The following SH3RF3 variants were observed in gnomAD, a reference collection of about 807,000 sequenced individuals.
SH3RF3 encodes SH3 domain containing ring finger 3.
SH3RF3 carries 29 observed loss-of-function variants against 66.3 expected under a neutral mutation model. The ratio of observed to expected loss-of-function variants is 0.44; its 90% CI spans 0.33 to 0.60. The LOEUF (loss-of-function observed/expected upper bound fraction) is 0.60. SH3RF3 is among the 20% of genes least tolerant of loss of function. The pLI is 0.04. For synonymous variants in SH3RF3, 583 were observed against 532.0 expected, an observed-to-expected ratio of 1.10 and a Z score of -1.32; for missense variants, 1,194 against 1,190.9, an observed-to-expected ratio of 1.00 and a Z score of -0.04.
intron 1 of SH3RF3, among the ~76,000 whole-genome samples, chr2:109,235,978 T>G (rs1679638822): frequency 6.6e-6 from 1 of 152,016 alleles, no homozygotes; most frequent in African/African-American, 2.4e-5. Flanking sequence ...TCACTGCCTT[T>G]ACTTTAAGAG....
intron 8 of SH3RF3, among the ~76,000 whole-genome samples, chr2:109,472,499 G>A (rs1429423533): frequency 1.3e-5 from 2 of 152,304 alleles, no homozygotes; most frequent in African/African-American, 2.4e-5. Flanking sequence ...AAGGACTTGT[G>A]GAAAGAAGAG....
intron 1 of SH3RF3, among the ~76,000 whole-genome samples, chr2:109,327,029 C>A (rs966038977): frequency 6.6e-6 from 1 of 152,112 alleles, no homozygotes; most frequent in Non-Finnish European, 1.5e-5. Context: ...CTTTTTCCTT[C>A]GTATTTAATG....
At chr2:109,161,336 G>A (rs200295687) in intron 1 of SH3RF3, among the ~76,000 whole-genome samples, 67 of 152,116 alleles carry the variant, frequency 4.4e-4, no homozygotes, top group African/African-American at 1.5e-3. Flanking sequence ...TGGTATGCAC[G>A]GGTTTCTCTC....
intron 1 of SH3RF3, among the ~76,000 whole-genome samples, chr2:109,176,711 T>C (rs1276254111): frequency 6.6e-6 from 1 of 152,090 alleles, no homozygotes; most frequent in Non-Finnish European, 1.5e-5. Context: ...CACTCTAGCC[T>C]GGGTCACAGA....
intron 1 of SH3RF3, among the ~76,000 whole-genome samples, chr2:109,158,398 C>T (rs546339315): frequency 1.2e-4 from 18 of 152,306 alleles, no homozygotes; most frequent in African/African-American, 4.3e-4. Context: ...CAGGAGTCTG[C>T]ATGGCTTGCC....
At chr2:109,428,770 G>C (rs900262354) in intron 5 of SH3RF3, among the ~76,000 whole-genome samples, 1 of 152,192 alleles carries the variant, frequency 6.6e-6, no homozygotes, top group Non-Finnish European at 1.5e-5. Context: ...GGCTGGTCTC[G>C]AGTGTTATGG....
chr2:109,407,188 G>A (rs910305189), intron 4 of SH3RF3, among the ~76,000 whole-genome samples: 28 of 80,904 alleles, frequency 3.5e-4, no homozygotes, highest in Non-Finnish European at 1.0e-3. Flanking sequence ...ATTGGCCCTT[G>A]CCAGCTTCTC....
chr2:109,131,863 G>C (rs1477418660), intron 1 of SH3RF3, among the ~76,000 whole-genome samples: 1 of 152,184 alleles, frequency 6.6e-6, no homozygotes, highest in Non-Finnish European at 1.5e-5. Context: ...TTGTTTAATA[G>C]ACGAGCACTT....
chr2:109,394,464 A>C (rs1416984047), intron 3 of SH3RF3, among the ~76,000 whole-genome samples: 2 of 152,220 alleles, frequency 1.3e-5, no homozygotes, highest in Non-Finnish European at 2.9e-5. Flanking sequence ...GCCCCAGAAC[A>C]GGGGCAGGCT....
In SH3RF3 at chr2:109,129,786, G is replaced by T; in HGVS notation, c.246G>T (p.Leu82=). 1 of 1,539,310 alleles carries T rather than the reference G, an allele frequency of 6.5e-7. No individual in the cohort carries two copies. The change falls in exon 1 of 10, where the codon CTG becomes CTT. Residue 82 remains leucine (L), a synonymous_variant. Transcript: ENST00000309415. The part of the protein sequence containing the change: ...PCQHTFCRRC[L]ESIVCSRHEL... ...AACACACTTTCTGCCGCCGCTGCCT[G>T]GAGAGCATCGTGTGCTCGCGCCACG...
At chr2:109,483,903 G>A (rs72949169) in intron 8 of SH3RF3, among the ~76,000 whole-genome samples, 3,855 of 152,058 alleles carry the variant, frequency 0.025, 148 homozygotes, top group African/African-American at 0.088. Flanking sequence ...TGCAGCCAGG[G>A]CCACATCCTG....
At chr2:109,142,667 G>A (rs1676985341) in intron 1 of SH3RF3, among the ~76,000 whole-genome samples, 1 of 152,174 alleles carries the variant, frequency 6.6e-6, no homozygotes, top group South Asian at 2.1e-4. Flanking sequence ...CTCCATCCTG[G>A]AGTCACCTGT....
chr2:109,391,150 A>G (rs777107549), intron 3 of SH3RF3, among the ~76,000 whole-genome samples: 16 of 152,202 alleles, frequency 1.1e-4, no homozygotes, highest in Non-Finnish European at 2.2e-4. Flanking sequence ...AACTCTTCCA[A>G]AAGCCTTGCC....
chr2:109,220,587 AC>A (rs1248883639), intron 1 of SH3RF3, among the ~76,000 whole-genome samples: 1 of 152,206 alleles, frequency 6.6e-6, no homozygotes, highest in Non-Finnish European at 1.5e-5. Context: ...AATTTAAAAA[AC>A]CCAATTCAAA....
rs542432832 is a variant in SH3RF3, at chr2:109,317,581, G to A, written c.574-30093G>A. ...TCATCTCTTTCCCTGCTCCTTCTGA[G>A]GTACAGAACAGTCAAAGTCCACCTT... On this transcript the variant is annotated intron_variant, in intron 1 of 9. Coordinates refer to ENST00000309415, the MANE Select transcript of SH3RF3 (RefSeq NM_001099289.3). Among the ~76,000 whole-genome samples, 14 of 152,244 alleles carry A rather than the reference G, an allele frequency of 9.2e-5. No individual in the cohort carries two copies. In the South Asian group the frequency reaches 2.7e-3, roughly 29 times the overall value.
At position 109,347,791 on chromosome 2, in the gene SH3RF3, T is replaced by G. The variant is rs1297647467; in HGVS notation, c.691T>G (p.Trp231Gly). 6.2e-7 allele frequency: 1 copy of G among 1,613,808 alleles called. No homozygotes were observed. Among genetic ancestry groups the G allele is most frequent in the African/African-American group, 1.3e-5 (1 of 74,886 alleles). Reference sequence around the variant, plus strand: ...CCTGCGGCGCAAGGTGGATGAACAGTGGTACCACGGCGAGCTGCACGGCAC... The same window carrying G: ...CCTGCGGCGCAAGGTGGATGAACAGGGGTACCACGGCGAGCTGCACGGCAC... Reference protein sequence around the residue: ...IVLRRKVDEQWYHGELHGTQG... With the variant: ...IVLRRKVDEQGYHGELHGTQG... Residue 231 changes from tryptophan to glycine, a missense_variant, in exon 2 of 10, where the codon TGG (tryptophan) becomes GGG (glycine). Coordinates refer to ENST00000309415, the MANE Select transcript of SH3RF3 (RefSeq NM_001099289.3).
At chr2:109,480,454 A>C (rs1358981070) in intron 8 of SH3RF3, among the ~76,000 whole-genome samples, 1 of 152,176 alleles carries the variant, frequency 6.6e-6, no homozygotes, top group Non-Finnish European at 1.5e-5. Context: ...AGTAATAAGG[A>C]GAGGAGTCCA....
chr2:109,425,099 A>T (rs1676992687), intron 5 of SH3RF3, among the ~76,000 whole-genome samples: 2 of 152,234 alleles, frequency 1.3e-5, no homozygotes, highest in Non-Finnish European at 2.9e-5. Context: ...AGTGGCCTGG[A>T]TAGAAGATCA....
intron 8 of SH3RF3, among the ~76,000 whole-genome samples, chr2:109,452,825 C>G (rs995521893): frequency 2.7e-5 from 4 of 145,912 alleles, no homozygotes; most frequent in African/African-American, 1.0e-4. Context: ...TTCTGGGAGG[C>G]TGGTGCCAGG....
Sources: gnomAD v4.1 joint callset for allele counts (sites outside exome capture counted in the v4.1 genomes callset) on GRCh38, gnomAD v4.1.1 for gene constraint, MANE v1.5 for transcripts, NCBI Gene and HGNC (gene_info 2026-07-23, HGNC 2026-07-21) for gene names.